The following ARHGEF4 variants were observed in gnomAD, a reference collection of about 807,000 sequenced individuals.
ARHGEF4 encodes the protein Rho guanine nucleotide exchange factor 4.
A neutral mutation model predicts 162.0 loss-of-function variants in ARHGEF4; 119 were observed. That is an observed-to-expected ratio of 0.73 (90% CI 0.63 to 0.86). ARHGEF4 has a LOEUF of 0.86. Among genes scored for constraint, ARHGEF4 ranks in the 40% least tolerant of loss-of-function variants. ARHGEF4 has a pLI of 0.00. For synonymous variants in ARHGEF4, 1,014 were observed against 979.9 expected, an observed-to-expected ratio of 1.03 and a Z score of -0.65; for missense variants, 2,488 against 2,456.0, an observed-to-expected ratio of 1.01 and a Z score of -0.28.
intron 1 of ARHGEF4, among the ~76,000 whole-genome samples, chr2:130,846,313 A>G (rs1680960866): frequency 2.0e-5 from 3 of 152,148 alleles, no homozygotes; most frequent in Admixed American, 2.0e-4. Context: ...TGGTCATCTG[A>G]GACCCCCACA....
chr2:130,907,316 G>C lies in ARHGEF4; in HGVS notation c.40-6670G>C, dbSNP rs570140360. On this transcript the variant is annotated intron_variant, in intron 1 of 13. Coordinates refer to ENST00000409359, the MANE Select transcript of ARHGEF4 (RefSeq NM_001367493.1). ...TGCAAGCTCCGCCTCCTGGGTTCAC[G>C]CCATTCTCCTGCCTCAGCCTCCTGA... Among the ~76,000 whole-genome samples, 20 of 138,152 alleles carry C rather than the reference G, an allele frequency of 1.4e-4. No individual in the cohort carries two copies. The South Asian group carries it at 2.2e-3, about 15-fold the overall frequency. The allele number at this position is 138,152 out of a possible 152,430, so 90.6% of individuals were successfully genotyped here. A position where few individuals can be genotyped will look rare whatever the true frequency, so the allele number is the denominator to read the frequency against.
At chr2:130,941,360 C>T (rs562383138) in intron 3 of ARHGEF4, among the ~76,000 whole-genome samples, 43 of 152,030 alleles carry the variant, frequency 2.8e-4, no homozygotes, top group African/African-American at 5.3e-4. Context: ...CATGCCACCA[C>T]GCCTGGCTAA....
chr2:130,920,275 A>T (rs752596230), intron 2 of ARHGEF4, among the ~76,000 whole-genome samples: 1 of 152,092 alleles, frequency 6.6e-6, no homozygotes. Flanking sequence ...CACCCAGATA[A>T]TTTTTTAATT....
chr2:130,970,685 A>G (rs1009613251), intron 4 of ARHGEF4, among the ~76,000 whole-genome samples: 12 of 151,826 alleles, frequency 7.9e-5, no homozygotes, highest in Non-Finnish European at 2.9e-5. Flanking sequence ...AATGCTGAGC[A>G]TCTTTTCATG....
At chr2:131,025,429 G>C (rs1689415202) in intron 4 of ARHGEF4, among the ~76,000 whole-genome samples, 1 of 152,192 alleles carries the variant, frequency 6.6e-6, no homozygotes, top group Admixed American at 6.5e-5. Flanking sequence ...TCCCAGGTCA[G>C]TTCTGGGGAC....
intron 2 of ARHGEF4, among the ~76,000 whole-genome samples, chr2:130,925,819 T>G (rs1378363098): frequency 6.6e-6 from 1 of 152,184 alleles, no homozygotes; most frequent in Non-Finnish European, 1.5e-5. Context: ...ATTTATACTA[T>G]GTGGACTTTG....
At chr2:130,868,829 G>A (rs1682481903) in intron 1 of ARHGEF4, among the ~76,000 whole-genome samples, 4 of 152,302 alleles carry the variant, frequency 2.6e-5, no homozygotes, top group Non-Finnish European at 4.4e-5. Flanking sequence ...GGGCTGGTTC[G>A]TTCTGGAAGC....
chr2:131,017,095 A>T (rs1688814393), intron 4 of ARHGEF4, among the ~76,000 whole-genome samples: 1 of 152,152 alleles, frequency 6.6e-6, no homozygotes, highest in African/African-American at 2.4e-5. Flanking sequence ...CAAAATCAAG[A>T]CTGGCCTTTG....
At chr2:131,003,977 G>A (rs1161032889) in intron 4 of ARHGEF4, among the ~76,000 whole-genome samples, 1 of 152,186 alleles carries the variant, frequency 6.6e-6, no homozygotes, top group African/African-American at 2.4e-5. Flanking sequence ...AGCAGCCAAA[G>A]GAGCATCTTT....
intron 1 of ARHGEF4, among the ~76,000 whole-genome samples, chr2:130,847,515 C>T (rs140582856): frequency 4.7e-4 from 72 of 152,312 alleles, no homozygotes; most frequent in African/African-American, 1.5e-3. Context: ...AATGGTTCCT[C>T]TCTGTAAGGT....
chr2:131,033,432 C>T (rs1690005088), intron 5 of ARHGEF4, among the ~76,000 whole-genome samples: 1 of 152,210 alleles, frequency 6.6e-6, no homozygotes, highest in Non-Finnish European at 1.5e-5. Context: ...AGTGGCCGAG[C>T]AGGCTGCTGT....
Position 130,914,881 on chromosome 2 carries a change from C to T in ARHGEF4, c.935C>T (p.Ala312Val). The stretch of plus-strand genomic sequence containing the variant: ...CTACGCACCAACCGTCACCATAGTG[C>T]CCCAGAAACTACTGGTGACAAGAAC... ...CLLRTNRHHS[A>V]PETTGDKNRA... The change falls in exon 2 of 14, where the codon GCC (alanine) becomes GTC (valine). Residue 312 changes from alanine (A) to valine (V), a missense_variant. Ala to Val is a moderately conservative substitution (Grantham distance 64). Coordinates refer to ENST00000409359, the MANE Select transcript of ARHGEF4 (RefSeq NM_001367493.1). The T allele has an allele frequency of 6.7e-7, 1 of 1,494,144 alleles. No individual in the cohort carries two copies. The highest frequency in any genetic ancestry group is 8.9e-7 in the Non-Finnish European group (1 of 1,119,470). 92.6% of individuals were successfully genotyped at this position (1,494,144 alleles called of 1,614,324 possible).
intron 1 of ARHGEF4, among the ~76,000 whole-genome samples, chr2:130,892,438 C>A (rs1175475239): frequency 6.6e-6 from 1 of 152,188 alleles, no homozygotes; most frequent in African/African-American, 2.4e-5. Context: ...AATCACAAGC[C>A]CTAGATTGTG....
chr2:130,917,328 A>T lies in ARHGEF4; in HGVS notation c.3382A>T (p.Ser1128Cys), dbSNP rs1161973145. Reference protein sequence around the residue: ...VSLGSYSYVDSSSGDPERPKI... With the variant: ...VSLGSYSYVDCSSGDPERPKI... ...TCTTGGAAGCTACAGCTACGTGGAC[A>T]GCAGTTCAGGGGACCCTGAAAGACC... is the stretch of plus-strand genomic sequence containing the variant. The change falls in exon 2 of 14, where the codon AGC becomes TGC. Residue 1128 changes from serine to cysteine, a missense_variant. Coordinates refer to ENST00000409359, the MANE Select transcript of ARHGEF4 (RefSeq NM_001367493.1). 3 of 1,550,480 alleles carry T rather than the reference A, an allele frequency of 1.9e-6. No homozygotes were observed. The African/African-American group carries it at 4.1e-5, about 21-fold the overall frequency.
At chr2:130,893,328 C>G (rs62177043) in intron 1 of ARHGEF4, among the ~76,000 whole-genome samples, 1 of 152,076 alleles carries the variant, frequency 6.6e-6, no homozygotes, top group Non-Finnish European at 1.5e-5. Context: ...TTGTCTGAGC[C>G]CCGTCCTGTG....
chr2:130,973,494 A>T (rs531963730), intron 4 of ARHGEF4, among the ~76,000 whole-genome samples: 2 of 152,292 alleles, frequency 1.3e-5, no homozygotes, highest in South Asian at 2.1e-4. Flanking sequence ...GTCTCCAAAT[A>T]GTAAATAAAT....
In ARHGEF4 at chr2:130,915,881, G is replaced by T. The variant is rs1016371709; in HGVS notation, c.1935G>T (p.Arg645Ser). Residue 645 changes from arginine (R) to serine (S), a missense_variant, in exon 2 of 14, where the codon AGG (arginine) becomes AGT (serine). Around this residue, in one of 6 missense-constraint regions of ARHGEF4, gnomAD observed 1,642 missense variants for 1,481.5 expected, o/e 1.11. Coordinates refer to ENST00000409359, the MANE Select transcript of ARHGEF4 (RefSeq NM_001367493.1). ...AGCAGAAAGGTCTTCAGGCCAGCAGGAGCAATGCGGGGCCTGTTCCAGAAA... is the reference window on the plus strand; with the variant it reads ...AGCAGAAAGGTCTTCAGGCCAGCAGTAGCAATGCGGGGCCTGTTCCAGAAA... ...AVEQKGLQAS[R>S]SNAGPVPETL... 1 of 1,549,466 alleles carries T rather than the reference G, an allele frequency of 6.5e-7. No homozygotes were observed. The highest frequency in any genetic ancestry group is 2.4e-5 in the East Asian group (1 of 40,922).
chr2:131,006,698 G>A (rs984555154), intron 4 of ARHGEF4, among the ~76,000 whole-genome samples: 5 of 152,178 alleles, frequency 3.3e-5, no homozygotes, highest in African/African-American at 9.7e-5. Context: ...TATCCCTCTG[G>A]TCTTGCCTGG....
At chr2:131,021,032 G>A (rs1257028487) in intron 4 of ARHGEF4, among the ~76,000 whole-genome samples, 1 of 152,010 alleles carries the variant, frequency 6.6e-6, no homozygotes, top group Non-Finnish European at 1.5e-5. Flanking sequence ...TTTTTGATGG[G>A]GTTGTTTTTT....
Sources: allele counts gnomAD v4.1 joint callset (sites outside exome capture counted in the v4.1 genomes callset), GRCh38; gene constraint gnomAD v4.1.1; regional missense constraint gnomAD v4.1.1; transcripts MANE v1.5; gene names NCBI Gene and HGNC (gene_info 2026-07-23, HGNC 2026-07-21).